MFN1: variants seen among roughly 807,000 people sequenced by gnomAD.
MFN1 encodes mitofusin 1, also known as mitofusin-1.
In MFN1, 65 loss-of-function variants were observed where a neutral mutation model predicts 92.4. That is an observed-to-expected ratio of 0.70 (90% confidence interval 0.58 to 0.86). The LOEUF is 0.86. Ranked by LOEUF, MFN1 falls within the 40% of genes least tolerant of loss-of-function variation. The pLI, the probability that MFN1 is intolerant of heterozygous loss-of-function variation, is 0.00. For synonymous variants in MFN1, 297 were observed against 300.9 expected (o/e 0.99, Z 0.13); for missense variants, 781 against 868.0 (o/e 0.90, Z 1.26).
At chr3:179,358,720 A>C in intron 3 of MFN1, 120 bp from the exon 4 acceptor site, 1 of 948,612 alleles carries the variant, frequency 1.1e-6, no homozygotes, top group Non-Finnish European at 1.5e-6. Context: ...TTTCATAAAA[A>C]TGCAGTCTTA....
At chr3:179,382,734 T>C (rs1459964596) in intron 14 of MFN1, among the ~76,000 whole-genome samples, 1 of 152,220 alleles carries the variant, frequency 6.6e-6, no homozygotes, top group Non-Finnish European at 1.5e-5. Flanking sequence ...CCAGCACCTG[T>C]TGTTTCCTGA....
chr3:179,387,268 G>A lies in MFN1; in HGVS notation c.2012+639G>A, dbSNP rs370581843. On this transcript the variant is annotated intron_variant, in intron 16 of 17. Transcript: ENST00000471841. ...CTATTCTAAATTTATGTACCTGGCT[G>A]GGCAAGGTGGCTCACGCCTATAATC... 1.1e-4 allele frequency among the ~76,000 whole-genome samples: 16 copies of A among 152,216 alleles called. No homozygotes were observed. The East Asian group carries it at 2.3e-3, about 22-fold the overall frequency.
chr3:179,386,394 T>G (rs1237887794), intron 15 of MFN1, 39 bp from the exon 16 acceptor site: 2 of 1,550,876 alleles, frequency 1.3e-6, no homozygotes, highest in East Asian at 2.2e-5. Flanking sequence ...CAAAGTGGTG[T>G]TTTTCCTTCT....
chr3:179,361,364 A>T (rs762907965), intron 4 of MFN1, among the ~76,000 whole-genome samples: 1 of 152,126 alleles, frequency 6.6e-6, no homozygotes, highest in Non-Finnish European at 1.5e-5. Flanking sequence ...TATCACATGG[A>T]TGCATTGTGT....
Position 179,365,233 on chromosome 3 carries a change from G to A in MFN1, c.753+8G>A. ...CCAGAATATATGGAAGACGTAAGTT[G>A]TTATTTTTTTTTTTGTAGGTTTTGA... On this transcript the variant is annotated splice_region_variant and intron_variant, in intron 7 of 17. Transcript: ENST00000471841. The A allele has an allele frequency of 2.0e-6, 3 of 1,469,938 alleles. No individual in the cohort carries two copies. The highest frequency in any genetic ancestry group is 1.5e-5 in the African/African-American group (1 of 67,614). The allele number at this position is 1,469,938 out of a possible 1,614,324, so 91.1% of individuals were successfully genotyped here.
rs182486907 is a variant in MFN1, at chr3:179,355,094, G to A, written c.248+3059G>A. Among the ~76,000 whole-genome samples the A allele has an allele frequency of 1.7e-3, 259 of 152,236 alleles. 1 individual carries two copies. The highest frequency in any genetic ancestry group is 0.017 in the Middle Eastern group (5 of 294). ...TTACAGGTGTGAGCCCCCGTGCCCA[G>A]CTGGTACCTCCCCTTTTTAGCCCAT... On this transcript the variant is annotated intron_variant, in intron 3 of 17. Coordinates refer to ENST00000471841, the MANE Select transcript of MFN1 (RefSeq NM_033540.3).
intron 14 of MFN1, among the ~76,000 whole-genome samples, chr3:179,379,553 C>T (rs1055918606): frequency 3.3e-5 from 5 of 152,200 alleles, no homozygotes; most frequent in African/African-American, 4.8e-5. Flanking sequence ...GGGGTTTCAC[C>T]GTGTTGGCCA....
At chr3:179,362,313 T>C in intron 4 of MFN1, 45 bp from the exon 5 acceptor site, 1 of 1,511,426 alleles carries the variant, frequency 6.6e-7, no homozygotes, top group Non-Finnish European at 8.9e-7. Flanking sequence ...TTTATTGAAT[T>C]TTATTACAAG....
At chr3:179,371,529 A>C (rs1016389298) in intron 9 of MFN1, among the ~76,000 whole-genome samples, 1 of 152,218 alleles carries the variant, frequency 6.6e-6, no homozygotes, top group Non-Finnish European at 1.5e-5. Context: ...AAAGGAAGAA[A>C]GGAAAATCAA....
chr3:179,387,663 G>A (rs182188113), intron 16 of MFN1, among the ~76,000 whole-genome samples: 4 of 134,040 alleles, frequency 3.0e-5, no homozygotes, highest in East Asian at 4.7e-4. Context: ...GCACAATCTC[G>A]GCTCACTGCA....
intron 3 of MFN1, among the ~76,000 whole-genome samples, chr3:179,353,220 ATTTTTTT>A (rs34658521): frequency 7.6e-6 from 1 of 130,892 alleles, no homozygotes; most frequent in Non-Finnish European, 1.6e-5. Context: ...CACCTGGCTA[ATTTTTTT>A]TTTTTTTTTT....
At chr3:179,377,752 A>G (rs538034041) in intron 12 of MFN1, among the ~76,000 whole-genome samples, 1 of 152,040 alleles carries the variant, frequency 6.6e-6, no homozygotes, top group African/African-American at 2.4e-5. Context: ...TGGGCAACAC[A>G]GTGAGAACTC....
At chr3:179,351,528 T>G (rs528909986) in intron 2 of MFN1, among the ~76,000 whole-genome samples, 2 of 152,178 alleles carry the variant, frequency 1.3e-5, no homozygotes, top group Admixed American at 1.3e-4. Flanking sequence ...CTTTTTTCTC[T>G]CAGTATGTGG....
chr3:179,351,097 G>A (rs1014695989), intron 2 of MFN1, among the ~76,000 whole-genome samples: 2 of 152,108 alleles, frequency 1.3e-5, no homozygotes, highest in Non-Finnish European at 2.9e-5. Context: ...GAGCCCCCAC[G>A]CCCACATGAA....
At chr3:179,364,541 GT>G (rs1274414688) in intron 6 of MFN1, 136 bp downstream of exon 6, 2 of 658,264 alleles carry the variant, frequency 3.0e-6, no homozygotes, top group African/African-American at 1.8e-5. Context: ...AGGGGTTTGT[GT>G]TTTCATAGAA....
At chr3:179,386,356 G>T in intron 15 of MFN1, 77 bp from the exon 16 acceptor site, 1 of 1,140,560 alleles carries the variant, frequency 8.8e-7, no homozygotes, top group African/African-American at 1.6e-5. Flanking sequence ...GATCCATAGG[G>T]AACTAAAATG....
intron 15 of MFN1, among the ~76,000 whole-genome samples, chr3:179,386,118 A>G (rs145080196): frequency 1.2e-4 from 19 of 152,328 alleles, no homozygotes; most frequent in African/African-American, 4.6e-4. Flanking sequence ...TAAAAAATGT[A>G]TATCATTAAC....
At chr3:179,361,276 T>TC (rs1712565510) in intron 4 of MFN1, among the ~76,000 whole-genome samples, 1 of 152,194 alleles carries the variant, frequency 6.6e-6, no homozygotes, top group Non-Finnish European at 1.5e-5. Context: ...ATTTTCCTGA[T>TC]CCATGCTCTT....
At chr3:179,380,722 T>C (rs1713432590) in intron 14 of MFN1, among the ~76,000 whole-genome samples, 1 of 152,188 alleles carries the variant, frequency 6.6e-6, no homozygotes, top group African/African-American at 2.4e-5. Context: ...CTAGCAGCAG[T>C]GAACTGAGGC....
Sources: allele counts gnomAD v4.1 joint callset (sites outside exome capture counted in the v4.1 genomes callset), GRCh38; gene constraint gnomAD v4.1.1; transcripts MANE v1.5; gene names NCBI Gene and HGNC (gene_info 2026-07-23, HGNC 2026-07-21).